GSK3B: variants seen among roughly 807,000 people sequenced by gnomAD.
GSK3B encodes the protein glycogen synthase kinase-3 beta.
A neutral mutation model predicts 56.4 loss-of-function variants in GSK3B; 15 were observed. The observed-to-expected ratio is 0.27, with a 90% CI of 0.18 to 0.41. GSK3B has a LOEUF of 0.41. GSK3B is among the 10% of genes least tolerant of loss of function. The pLI is 1.00. For missense variants in GSK3B, 300 were observed against 513.4 expected, an observed-to-expected ratio of 0.58 and a Z score of 4.02; for synonymous variants, 181 against 188.9, an observed-to-expected ratio of 0.96 and a Z score of 0.34.
chr3:119,990,641 G>A lies in GSK3B; in HGVS notation c.282+11405C>T, dbSNP rs534287321. ...TGCTATAAAAGCAGGTATTAAAATG[G>A]TATTAAGCCAAGCGCGGTGGCCCAC... On this transcript the variant is annotated intron_variant, in intron 2 of 10. Transcript: ENST00000264235. Among the ~76,000 whole-genome samples, 33 of 152,222 alleles carry A rather than the reference G, an allele frequency of 2.2e-4. 1 individual carries two copies. Among genetic ancestry groups the A allele is most frequent in the African/African-American group, 7.7e-4 (32 of 41,522 alleles).
intron 2 of GSK3B, among the ~76,000 whole-genome samples, chr3:119,997,170 G>C (rs902104235): frequency 2.6e-5 from 4 of 152,082 alleles, no homozygotes; most frequent in Admixed American, 6.6e-5. Flanking sequence ...ATAATATTTA[G>C]AAAAGCAACA....
intron 1 of GSK3B, among the ~76,000 whole-genome samples, chr3:120,021,472 C>T (rs753328435): frequency 5.6e-4 from 84 of 151,350 alleles, no homozygotes; most frequent in Non-Finnish European, 7.1e-4. Context: ...GCCGAGATTG[C>T]GCCACGGCAC....
intron 2 of GSK3B, among the ~76,000 whole-genome samples, chr3:119,954,739 G>A (rs978667261): frequency 6.6e-6 from 1 of 152,138 alleles, no homozygotes; most frequent in East Asian, 1.9e-4. Context: ...AGTAGACATG[G>A]AGGCTTTTAT....
intron 1 of GSK3B, among the ~76,000 whole-genome samples, chr3:120,073,966 A>C (rs1192707836): frequency 6.6e-6 from 1 of 152,234 alleles, no homozygotes; most frequent in Non-Finnish European, 1.5e-5. Flanking sequence ...CAAAATACAC[A>C]AAATGAGAAA....
chr3:119,939,014 G>C (rs1273669355), intron 3 of GSK3B, among the ~76,000 whole-genome samples: 1 of 150,346 alleles, frequency 6.7e-6, no homozygotes, highest in African/African-American at 2.5e-5. Context: ...TAAAATACAA[G>C]AAAAATGTCA....
chr3:119,987,650 T>C (rs111719687), intron 2 of GSK3B, among the ~76,000 whole-genome samples: 5 of 151,408 alleles, frequency 3.3e-5, no homozygotes, highest in African/African-American at 9.8e-5. Context: ...ACAAAACTTA[T>C]AAAGCATTAA....
intron 6 of GSK3B, among the ~76,000 whole-genome samples, chr3:119,908,367 A>T (rs1464384640): frequency 6.6e-6 from 1 of 152,222 alleles, no homozygotes; most frequent in Non-Finnish European, 1.5e-5. Flanking sequence ...AAATCCAATG[A>T]CATACCCAAA....
At chr3:120,024,469 C>A (rs1299080151) in intron 1 of GSK3B, among the ~76,000 whole-genome samples, 2 of 152,180 alleles carry the variant, frequency 1.3e-5, no homozygotes, top group Non-Finnish European at 2.9e-5. Flanking sequence ...TACTAATTTT[C>A]TATTTTTTCA....
chr3:119,846,137 C>T (rs1236248870), intron 9 of GSK3B, among the ~76,000 whole-genome samples: 3 of 152,146 alleles, frequency 2.0e-5, no homozygotes, highest in Admixed American at 6.5e-5. Context: ...ATACCTTATA[C>T]AAAAATTAAC....
intron 3 of GSK3B, among the ~76,000 whole-genome samples, chr3:119,927,530 G>A (rs540298100): frequency 5.9e-5 from 9 of 152,130 alleles, no homozygotes; most frequent in Non-Finnish European, 1.0e-4. Context: ...TTAAGCTTGG[G>A]CAACCAAATA....
chr3:119,851,958 C>T (rs1409833265), intron 9 of GSK3B, among the ~76,000 whole-genome samples: 2 of 152,206 alleles, frequency 1.3e-5, no homozygotes, highest in Non-Finnish European at 2.9e-5. Context: ...ATGGTGCTTA[C>T]TTACTTGTAT....
At chr3:119,999,651 C>T (rs61564537) in intron 2 of GSK3B, among the ~76,000 whole-genome samples, 4 of 151,978 alleles carry the variant, frequency 2.6e-5, no homozygotes, top group African/African-American at 9.7e-5. Context: ...AATATGGGCT[C>T]GAGGAATTTA....
At chr3:120,062,116 T>C (rs1249116497) in intron 1 of GSK3B, among the ~76,000 whole-genome samples, 1 of 152,206 alleles carries the variant, frequency 6.6e-6, no homozygotes, top group South Asian at 2.1e-4. Context: ...TTTTAACAAT[T>C]TGGGGAACAC....
intron 2 of GSK3B, among the ~76,000 whole-genome samples, chr3:119,953,595 T>C (rs913325051): frequency 6.6e-6 from 1 of 152,334 alleles, no homozygotes; most frequent in Non-Finnish European, 1.5e-5. Flanking sequence ...AATCACTTTA[T>C]AATCTGGCCT....
At chr3:119,940,527 T>C (rs1012754104) in intron 3 of GSK3B, among the ~76,000 whole-genome samples, 6 of 152,120 alleles carry the variant, frequency 3.9e-5, no homozygotes, top group African/African-American at 7.2e-5. Flanking sequence ...GAAAAACATA[T>C]ACTGAAATTA....
chr3:119,889,009 G>A (rs375380467), intron 7 of GSK3B, among the ~76,000 whole-genome samples: 1 of 152,032 alleles, frequency 6.6e-6, no homozygotes, highest in Non-Finnish European at 1.5e-5. Context: ...AAGACAATAC[G>A]TGCACTGCAG....
chr3:120,094,436 G>C lies in GSK3B; in HGVS notation c.-1002C>G. On this transcript the variant is annotated 5_prime_UTR_variant, in exon 1 of 11. Coordinates refer to ENST00000264235, the MANE Select transcript of GSK3B (RefSeq NM_001146156.2). The stretch of plus-strand genomic sequence containing the variant: ...AAGCCCGCATTCGCCCGGGTCAGGA[G>C]CTGCTCTGTGTGAGGAGCGCTGTCT... 1 of 280,934 alleles carries C rather than the reference G, an allele frequency of 3.6e-6. No individual in the cohort carries two copies. Among genetic ancestry groups the C allele is most frequent in the Non-Finnish European group, 6.7e-6 (1 of 149,484 alleles). The allele number at this position is 280,934 out of a possible 1,614,324, so 17.4% of individuals were successfully genotyped here. A position where few individuals can be genotyped will look rare whatever the true frequency, so the allele number is the denominator to read the frequency against.
chr3:119,891,121 G>T (rs1329595918), intron 7 of GSK3B, among the ~76,000 whole-genome samples: 1 of 152,022 alleles, frequency 6.6e-6, no homozygotes. Context: ...CACTGCACTG[G>T]AAAGAGGAAG....
chr3:119,919,252 GC>G (rs2056812064), intron 4 of GSK3B, among the ~76,000 whole-genome samples: 1 of 152,148 alleles, frequency 6.6e-6, no homozygotes, highest in Non-Finnish European at 1.5e-5. Flanking sequence ...TAACATGTAT[GC>G]CAAACAAGTC....
Sources: gnomAD v4.1 joint callset for allele counts (sites outside exome capture counted in the v4.1 genomes callset) on GRCh38, gnomAD v4.1.1 for gene constraint, MANE v1.5 for transcripts, NCBI Gene and HGNC (gene_info 2026-07-23, HGNC 2026-07-21) for gene names.